The following CFAP97D2 variants were observed in gnomAD, a reference collection of about 807,000 sequenced individuals.
CFAP97D2 encodes the protein uncharacterized protein CFAP97D2.
intron 3 of CFAP97D2, among the ~76,000 whole-genome samples, chr13:114,202,975 T>C (rs908338900): frequency 2.0e-5 from 3 of 152,016 alleles, no homozygotes; most frequent in Non-Finnish European, 4.4e-5. Context: ...GCTCCAGGGC[T>C]CTGAGATTTT....
intron 4 of CFAP97D2, among the ~76,000 whole-genome samples, chr13:114,217,598 C>T (rs2081001281): frequency 6.6e-6 from 1 of 152,180 alleles, no homozygotes; most frequent in Admixed American, 6.5e-5. Flanking sequence ...ACCAATATCC[C>T]TGGTGAACAT....
Position 114,181,954 on chromosome 13 carries a change from C to T in CFAP97D2, c.90+2534C>T, listed in dbSNP as rs367912122. ...CTCCACACCTGTGGGTATTTCTAGT[C>T]GGGTGGGACGAGAGACTGAGAAAAG... On this transcript the variant is annotated intron_variant, in intron 1 of 4. Coordinates refer to ENST00000646158, the Ensembl canonical transcript of CFAP97D2. 2.6e-4 allele frequency among the ~76,000 whole-genome samples: 39 copies of T among 152,142 alleles called. No homozygotes were observed. The South Asian group carries it at 5.4e-3, about 21-fold the overall frequency.
rs530271526 is a variant in CFAP97D2, at chr13:114,198,011, C to T, written c.171+1535C>T. 3.9e-5 allele frequency among the ~76,000 whole-genome samples: 6 copies of T among 152,006 alleles called. No individual in the cohort carries two copies. The East Asian group carries it at 7.7e-4, about 20-fold the overall frequency. ...TTCTTTTTTTATTTTGTTTTTTAGA[C>T]GGAGTCTCGCTCTGTTGCCTGGCTG... On this transcript the variant is annotated intron_variant, in intron 2 of 4. Coordinates refer to ENST00000646158, the Ensembl canonical transcript of CFAP97D2.
intron 1 of CFAP97D2, among the ~76,000 whole-genome samples, chr13:114,195,823 G>A (rs182300923): frequency 7.0e-4 from 107 of 152,004 alleles, no homozygotes; most frequent in African/African-American, 2.4e-3. Flanking sequence ...TGTAATCCCA[G>A]CACTTTGGGA....
chr13:114,194,450 C>T (rs1594515603), intron 1 of CFAP97D2, among the ~76,000 whole-genome samples: 1 of 152,136 alleles, frequency 6.6e-6, no homozygotes, highest in South Asian at 2.1e-4. Context: ...GGAAATTGTA[C>T]ATTAGACGTA....
At chr13:114,210,609 CTGT>C (rs1383309891) in intron 3 of CFAP97D2, among the ~76,000 whole-genome samples, 37 of 152,104 alleles carry the variant, frequency 2.4e-4, no homozygotes, top group African/African-American at 8.7e-4. Context: ...CCCTGCCTGT[CTGT>C]CCTCCATGGG....
Position 114,186,747 on chromosome 13 carries a change from A to C in CFAP97D2, c.90+7327A>C, listed in dbSNP as rs544112302. On this transcript the variant is annotated intron_variant, in intron 1 of 4. Transcript: ENST00000646158. The surrounding 1 kb of genome is among the most constrained non-coding windows in gnomAD (Gnocchi z 4.3). ...AGGCACAGCCTCGCAGTGAGCCAGCACCCATGCTGGCACCTGGAGCTGCCC... is the reference window on the plus strand; with the variant it reads ...AGGCACAGCCTCGCAGTGAGCCAGCCCCCATGCTGGCACCTGGAGCTGCCC... 6.6e-6 allele frequency among the ~76,000 whole-genome samples: 1 copy of C among 152,260 alleles called. No homozygotes were observed. The highest frequency in any genetic ancestry group is 2.1e-4 in the South Asian group (1 of 4,830).
At chr13:114,221,790 G>A (rs1213965046) in intron 4 of CFAP97D2, among the ~76,000 whole-genome samples, 4 of 151,688 alleles carry the variant, frequency 2.6e-5, no homozygotes, top group Non-Finnish European at 5.9e-5. Flanking sequence ...CAGCCACTTT[G>A]GAAAACAGTT....
chr13:114,183,801 T>C (rs190244233), intron 1 of CFAP97D2, among the ~76,000 whole-genome samples: 5 of 152,184 alleles, frequency 3.3e-5, no homozygotes, highest in Non-Finnish European at 5.9e-5. Context: ...GGGGATTAAG[T>C]TTCCACACGA....
chr13:114,192,402 C>T (rs1174365182), intron 1 of CFAP97D2, among the ~76,000 whole-genome samples: 1 of 152,096 alleles, frequency 6.6e-6, no homozygotes, highest in Non-Finnish European at 1.5e-5. Flanking sequence ...TTTAAAAAAT[C>T]ATTTAAAATT....
At chr13:114,196,259 C>T (rs1385196409) in intron 1 of CFAP97D2, 137 bp from the exon 2 acceptor site, 1 of 396,760 alleles carries the variant, frequency 2.5e-6, no homozygotes. Flanking sequence ...CAAATCTAAG[C>T]ACGAGCCTCT....
At chr13:114,216,392 T>G (rs2080993286) in intron 4 of CFAP97D2, among the ~76,000 whole-genome samples, 1 of 152,208 alleles carries the variant, frequency 6.6e-6, no homozygotes, top group Non-Finnish European at 1.5e-5. Flanking sequence ...CCTCACCCAC[T>G]AACTTGTCAT....
intron 1 of CFAP97D2, among the ~76,000 whole-genome samples, chr13:114,184,250 T>A (rs7329344): frequency 0.35 from 52,664 of 151,946 alleles, 9,317 homozygotes; most frequent in African/African-American, 0.39. Flanking sequence ...TGTGGGACAA[T>A]AACAAAGGTG....
chr13:114,189,144 G>C lies in CFAP97D2; in HGVS notation c.91-7252G>C, dbSNP rs1047124066. Among the ~76,000 whole-genome samples the C allele has an allele frequency of 2.7e-5, 4 of 150,588 alleles. No individual in the cohort carries two copies. The highest frequency in any genetic ancestry group is 9.7e-5 in the African/African-American group (4 of 41,100). Reference sequence around the variant, plus strand: ...TTAAAAAGCTATGATCATCAAGAAAGGAAAAAAGGAGCATCACTACAATCC... The same window carrying C: ...TTAAAAAGCTATGATCATCAAGAAACGAAAAAAGGAGCATCACTACAATCC... On this transcript the variant is annotated intron_variant, in intron 1 of 4. Transcript: ENST00000646158. This position sits in a 1 kb window ranked among gnomAD's most constrained non-coding sequence, Gnocchi z 4.5.
At chr13:114,194,643 T>C (rs548730688) in intron 1 of CFAP97D2, among the ~76,000 whole-genome samples, 2 of 152,292 alleles carry the variant, frequency 1.3e-5, no homozygotes, top group African/African-American at 2.4e-5. Flanking sequence ...ATCTTTACAA[T>C]GATGGTTACA....
chr13:114,189,583 T>G lies in CFAP97D2; in HGVS notation c.91-6813T>G, dbSNP rs2080862193. 1.3e-5 allele frequency among the ~76,000 whole-genome samples: 2 copies of G among 152,068 alleles called. No individual in the cohort carries two copies. The highest frequency in any genetic ancestry group is 1.3e-4 in the Admixed American group (2 of 15,260). On this transcript the variant is annotated intron_variant, in intron 1 of 4. Coordinates refer to ENST00000646158, the Ensembl canonical transcript of CFAP97D2. This position sits in a 1 kb window ranked among gnomAD's most constrained non-coding sequence, Gnocchi z 4.5. ...TGATGCAAAAATCCACAGCAAAACT[T>G]AGCAAATTCGATTAAAAGTGTATAA... is the stretch of plus-strand genomic sequence containing the variant.
intron 4 of CFAP97D2, among the ~76,000 whole-genome samples, chr13:114,221,877 G>C (rs61158266): frequency 0.27 from 40,849 of 152,040 alleles, 5,970 homozygotes; most frequent in African/African-American, 0.39. Context: ...CGAGAGACTT[G>C]AAAACATACA....
intron 1 of CFAP97D2, among the ~76,000 whole-genome samples, chr13:114,195,916 C>CAA (rs34374094): frequency 2.1e-4 from 27 of 128,406 alleles, no homozygotes; most frequent in Admixed American, 3.9e-4. Flanking sequence ...CTAAAAATTA[C>CAA]AAAAAAAAAA....
At chr13:114,182,310 C>T (rs1053150729) in intron 1 of CFAP97D2, among the ~76,000 whole-genome samples, 26 of 152,302 alleles carry the variant, frequency 1.7e-4, no homozygotes, top group African/African-American at 5.3e-4. Flanking sequence ...TTACTGCAAA[C>T]ATGTCTCGCC....
Sources: allele counts gnomAD v4.1 joint callset (sites outside exome capture counted in the v4.1 genomes callset), GRCh38; gene constraint gnomAD v4.1.1; non-coding constraint Gnocchi (gnomAD v3.1); transcripts MANE v1.5; gene names NCBI Gene and HGNC (gene_info 2026-07-23, HGNC 2026-07-21).